The following C11orf65 variants were observed in gnomAD, a reference collection of about 807,000 sequenced individuals.
C11orf65 encodes chromosome 11 open reading frame 65.
C11orf65 carries 38 observed loss-of-function variants against 35.3 expected under a neutral mutation model. That is an observed-to-expected ratio of 1.08 (90% CI 0.83 to 1.41). The LOEUF is 1.41. Ranked by LOEUF, C11orf65 falls within the 40% of genes most tolerant of loss-of-function variation. C11orf65 has a pLI of 0.00. For synonymous variants in C11orf65, 105 were observed against 114.4 expected (o/e 0.92, Z 0.53); for missense variants, 370 against 367.1 (o/e 1.01, Z -0.06).
intron 6 of C11orf65, among the ~76,000 whole-genome samples, chr11:108,316,752 A>AT (rs2084687050): frequency 9.5e-6 from 1 of 105,174 alleles, no homozygotes; most frequent in Non-Finnish European, 2.0e-5. Flanking sequence ...TACTAAAAAT[A>AT]CAAAAAAAAA....
At chr11:108,425,765 C>A (rs891288211) in intron 3 of C11orf65, among the ~76,000 whole-genome samples, 4 of 152,098 alleles carry the variant, frequency 2.6e-5, no homozygotes, top group African/African-American at 7.2e-5. Context: ...ACTGGCAAAC[C>A]GAATCTAGCA....
Position 108,397,015 on chromosome 11 carries a change from T to TG in C11orf65, c.561-3638dup, listed in dbSNP as rs539104520. Among the ~76,000 whole-genome samples, 52 of 152,148 alleles carry TG rather than the reference T, an allele frequency of 3.4e-4. 1 individual carries two copies. The South Asian group carries it at 0.011, about 31-fold the overall frequency. The stretch of plus-strand genomic sequence containing the variant: ...ATAATTTGTTTTATAAACAAACTAA[T>TG]GATCTTTTAAAAAGACCTAAAATTG... On this transcript the variant is annotated intron_variant, in intron 6 of 8. Coordinates refer to ENST00000393084, the MANE Select transcript of C11orf65 (RefSeq NM_152587.5).
rs936969747 is a variant in C11orf65 at position 108,376,727 on chromosome 11, C to G, written c.226+16481G>C. 2.6e-5 allele frequency among the ~76,000 whole-genome samples: 4 copies of G among 151,904 alleles called. No homozygotes were observed. In the South Asian group the frequency reaches 8.4e-4, roughly 32 times the overall value. ...GAAAGGATCAACAAAATTAATAGACCGCTAGCAAGACTAATAAAGAAAAAA... is the reference window on the plus strand; with the variant it reads ...GAAAGGATCAACAAAATTAATAGACGGCTAGCAAGACTAATAAAGAAAAAA... On this transcript the variant is annotated intron_variant, in intron 2 of 3. Coordinates refer to the C11orf65 transcript ENST00000524755.
chr11:108,444,920 T>C (rs1280373399), intron 2 of C11orf65, among the ~76,000 whole-genome samples: 2 of 152,174 alleles, frequency 1.3e-5, no homozygotes, highest in Non-Finnish European at 2.9e-5. Context: ...ACTGCACTTT[T>C]GCAACGGGCT....
At chr11:108,323,193 A>G (rs956156413) in intron 6 of C11orf65, among the ~76,000 whole-genome samples, 7 of 152,380 alleles carry the variant, frequency 4.6e-5, no homozygotes, top group African/African-American at 7.2e-5. Flanking sequence ...TCAAAATGAC[A>G]TAGCAGAAGA....
At chr11:108,449,486 T>C (rs192195524) in intron 2 of C11orf65, among the ~76,000 whole-genome samples, 4 of 152,014 alleles carry the variant, frequency 2.6e-5, no homozygotes, top group Admixed American at 2.6e-4. Flanking sequence ...ATGCCGCATA[T>C]CTACAACCAT....
chr11:108,312,381 C>A, intron 6 of C11orf65: 1 of 1,486,878 alleles, frequency 6.7e-7, no homozygotes, highest in South Asian at 1.1e-5. Flanking sequence ...AGTATGTTCT[C>A]ATTAAAAGAG....
chr11:108,454,613 GTTTATTTA>G (rs546194970), intron 2 of C11orf65, among the ~76,000 whole-genome samples: 2 of 151,598 alleles, frequency 1.3e-5, no homozygotes, highest in Non-Finnish European at 2.9e-5. Flanking sequence ...TTACATTTTT[GTTTATTTA>G]TTTATTTATT....
chr11:108,438,068 GA>G (rs1471477679), intron 2 of C11orf65, among the ~76,000 whole-genome samples: 3 of 152,136 alleles, frequency 2.0e-5, no homozygotes, highest in Non-Finnish European at 4.4e-5. Context: ...TAGGCCAATG[GA>G]ATAGCATAGA....
intron 2 of C11orf65, among the ~76,000 whole-genome samples, chr11:108,455,815 CAAAAAAAAAAAAAA>C (rs112701513): frequency 7.1e-5 from 4 of 56,188 alleles, no homozygotes; most frequent in East Asian, 5.5e-4. Context: ...GACTCCACCT[CAAAAAAAAAAAAAA>C]AAAAAAAAAA....
chr11:108,429,580 T>C (rs1018178953), intron 3 of C11orf65, among the ~76,000 whole-genome samples: 8 of 152,202 alleles, frequency 5.3e-5, no homozygotes, highest in African/African-American at 1.4e-4. Context: ...GAAAACAGTA[T>C]GGTTGTTCCT....
At chr11:108,327,568 T>A (rs1006953772), downstream of C11orf65, 2 of 1,230,344 alleles carry the variant, frequency 1.6e-6, no homozygotes, top group Non-Finnish European at 2.4e-6. Context: ...AACCTGCTTT[T>A]TTCCCCGTAC....
Position 108,321,374 on chromosome 11 carries a change from T to C in C11orf65, c.641-12303A>G, listed in dbSNP as rs143715818. On this transcript the variant is annotated intron_variant, in intron 6 of 6. Coordinates refer to the C11orf65 transcript ENST00000525729. ...TTCGCTCTATCCCACACTTAGCAGG[T>C]TGCAGGCCATTGGAGAGCTGGAAAG... 1.9e-6 allele frequency: 3 copies of C among 1,614,214 alleles called. No homozygotes were observed. The African/African-American group carries it at 4.0e-5, about 22-fold the overall frequency.
At chr11:108,407,915 G>A (rs1388697071) in intron 3 of C11orf65, among the ~76,000 whole-genome samples, 2 of 108,892 alleles carry the variant, frequency 1.8e-5, no homozygotes, top group Non-Finnish European at 3.4e-5. Flanking sequence ...CTGGGCGACA[G>A]AGCAAGACTC....
At chr11:108,332,972 A>C (rs2086444202) in intron 3 of C11orf65, 2 of 1,530,158 alleles carry the variant, frequency 1.3e-6, no homozygotes, top group Non-Finnish European at 1.8e-6. Flanking sequence ...TTAGTTATAG[A>C]GCCTAATAAG....
intron 2 of C11orf65, among the ~76,000 whole-genome samples, chr11:108,372,556 T>C (rs2091601406): frequency 6.6e-6 from 1 of 152,232 alleles, no homozygotes; most frequent in Non-Finnish European, 1.5e-5. Flanking sequence ...GCAAAGGTTT[T>C]AAGACAGAAA....
intron 1 of C11orf65, chr11:108,462,734 T>C (rs2093487146): frequency 6.6e-6 from 1 of 152,206 alleles, no homozygotes; most frequent in Non-Finnish European, 1.5e-5. Context: ...TATTAATACT[T>C]CACAGAATAA....
chr11:108,310,378 A>G (rs2084048435), intron 6 of C11orf65: 14 of 1,482,316 alleles, frequency 9.4e-6, no homozygotes, highest in Non-Finnish European at 1.3e-5. Context: ...ATAAGGGTAT[A>G]TAGTAAAGAT....
At chr11:108,452,700 C>A (rs894423353) in intron 2 of C11orf65, among the ~76,000 whole-genome samples, 2 of 152,072 alleles carry the variant, frequency 1.3e-5, no homozygotes, top group African/African-American at 4.8e-5. Context: ...CACATGCACA[C>A]GTATGTTTAC....
Sources: gnomAD v4.1 joint callset for allele counts (sites outside exome capture counted in the v4.1 genomes callset) on GRCh38, gnomAD v4.1.1 for gene constraint, MANE v1.5 for transcripts, NCBI Gene and HGNC (gene_info 2026-07-23, HGNC 2026-07-21) for gene names.